The following NEUROG1 variants were observed in gnomAD, a reference collection of about 807,000 sequenced individuals.
The protein encoded by NEUROG1 is neurogenin 1.
Under a neutral mutation model 5.7 loss-of-function variants are expected in NEUROG1, and 5 were observed. The observed-to-expected ratio is 0.88, with a 90% confidence interval of 0.46 to 1.85. The LOEUF (loss-of-function observed/expected upper bound fraction) is 1.85. NEUROG1 is among the 40% of genes most tolerant of loss of function. The pLI is 0.01. For missense variants in NEUROG1, 403 were observed against 345.7 expected, an observed-to-expected ratio of 1.17 and a Z score of -1.32; for synonymous variants, 196 against 157.4, an observed-to-expected ratio of 1.25 and a Z score of -1.84.
chr5:135,535,324 G>C lies in NEUROG1; in HGVS notation c.367C>G (p.Pro123Ala). 1 of 1,613,612 alleles carries C rather than the reference G, an allele frequency of 6.2e-7. No individual in the cohort carries two copies. The highest frequency in any genetic ancestry group is 2.2e-5 in the East Asian group (1 of 44,852). Residue 123 changes from proline (P) to alanine (A), a missense_variant, in exon 1 of 1, where the codon CCC becomes GCC. Physicochemically the swap from Pro to Ala is conservative, Grantham distance 27 (BLOSUM62 -1). Transcript: ENST00000314744. ...ATTTTGGTGAGCTTGGTGTCGTCGG[G>C]GAACGAGGGCAGCACGCTGCGCAGT... Reference protein sequence around the residue: ...DALRSVLPSFPDDTKLTKIET... With the variant: ...DALRSVLPSFADDTKLTKIET...
chr5:135,535,619 G>A lies in NEUROG1; in HGVS notation c.72C>T (p.Gly24=), dbSNP rs796778377. 6 of 1,596,858 alleles carry A rather than the reference G, an allele frequency of 3.8e-6. No individual in the cohort carries two copies. Among genetic ancestry groups the A allele is most frequent in the East Asian group, 2.3e-5 (1 of 44,034 alleles). Residue 24 remains glycine, a synonymous_variant, in exon 1 of 1, where the codon GGC becomes GGT. Transcript: ENST00000314744. ...CACAGTCTTCCTCGTCGGTGAGGAA[G>A]CCGGATAGGTCACTGCCGCTGCTGC... is the stretch of plus-strand genomic sequence containing the variant. ...CASSSGSDLS[G]FLTDEEDCAR...
chr5:135,535,531 TGGGCGCGCCCCTGCGGGCCGGCGC>T lies in NEUROG1; in HGVS notation c.136_159del (p.Ala46_Pro53del), dbSNP rs1580682278. ...GGAACCTCAGACGCCCGGGAGATAT[TGGGCGCGCCCCTGCGGGCCGGCGC>T]GGGCGGCCCCGAAGCGGAGGCTGCC... is the stretch of plus-strand genomic sequence containing the variant. On this transcript the variant is annotated inframe_deletion, in exon 1 of 1. Transcript: ENST00000314744. 3.8e-6 allele frequency: 6 copies of T among 1,573,766 alleles called. No homozygotes were observed. The highest frequency in any genetic ancestry group is 4.3e-6 in the Non-Finnish European group (5 of 1,166,974).
At position 135,535,479 on chromosome 5, in the gene NEUROG1, C is replaced by T. The variant is rs1281037567; in HGVS notation, c.212G>A (p.Arg71Lys). ...CCGCGTCCGGCCGCGGCGCCGCCGC[C>T]TCTCCTGCTCGTCGTCCTGTGCCCC... Reference protein sequence around the residue: ...VPGAQDDEQERRRRRGRTRVR... With the variant: ...VPGAQDDEQEKRRRRGRTRVR... Residue 71 changes from arginine to lysine, a missense_variant, in exon 1 of 1, where the codon AGG (arginine) becomes AAG (lysine). Transcript: ENST00000314744. 6.4e-7 allele frequency: 1 copy of T among 1,568,944 alleles called. No homozygotes were observed. The highest frequency in any genetic ancestry group is 1.2e-5 in the South Asian group (1 of 85,070).
rs1415053346 is a variant in NEUROG1 at position 135,535,825 on chromosome 5, C to T, written c.-135G>A. 2.4e-6 allele frequency: 2 copies of T among 850,568 alleles called. No homozygotes were observed. Among genetic ancestry groups the T allele is most frequent in the African/African-American group, 3.6e-5 (2 of 55,362 alleles). The allele number at this position is 850,568 out of a possible 1,614,324, so 52.7% of individuals were successfully genotyped here. On this transcript the variant is annotated 5_prime_UTR_variant, in exon 1 of 1. Coordinates refer to ENST00000314744, the MANE Select transcript of NEUROG1 (RefSeq NM_006161.3). ...TGTTACTCTGTGCCAGTTGCGGGTG[C>T]GAGAGCCTGGAAGGGTGCAGGGGCG...
Position 135,535,032 on chromosome 5 carries a change from G to A in NEUROG1, c.659C>T (p.Pro220Leu), listed in dbSNP as rs61737516. The change falls in exon 1 of 1, where the codon CCA (proline) becomes CTA (leucine). Residue 220 changes from proline (P) to leucine (L), a missense_variant. Physicochemically the swap from Pro to Leu is moderately conservative, Grantham distance 98. Coordinates refer to ENST00000314744, the MANE Select transcript of NEUROG1 (RefSeq NM_006161.3). ...GTGGAGCAAGTCTTTGGGCAGGCTT[G>A]GGAAGGAGAAAACAGGGTCGCCGGG... ...YRPGDPVFSF[P>L]SLPKDLLHTT... is the part of the protein sequence containing the mutation. 1.5e-5 allele frequency: 24 copies of A among 1,613,994 alleles called. No homozygotes were observed. The African/African-American group carries it at 2.9e-4, about 20-fold the overall frequency.
rs1750496282 is a variant in NEUROG1 at position 135,534,780 on chromosome 5, T to C, written c.*197A>G. 1.7e-6 allele frequency: 1 copy of C among 588,136 alleles called. No individual in the cohort carries two copies. The highest frequency in any genetic ancestry group is 2.9e-6 in the Non-Finnish European group (1 of 340,046). The allele number at this position is 588,136 out of a possible 1,614,324, so 36.4% of individuals were successfully genotyped here. On this transcript the variant is annotated 3_prime_UTR_variant, in exon 1 of 1. Transcript: ENST00000314744. Reference sequence around the variant, plus strand: ...GGGGCGGGCAGGAGGGGCGCTGGGCTGAGGGCCGGAGAAACAGACCAAGAG... The same window carrying C: ...GGGGCGGGCAGGAGGGGCGCTGGGCCGAGGGCCGGAGAAACAGACCAAGAG...
chr5:135,535,423 G>C lies in NEUROG1; in HGVS notation c.268C>G (p.Arg90Gly). The C allele has an allele frequency of 2.5e-6, 4 of 1,594,738 alleles. No individual in the cohort carries two copies. The highest frequency in any genetic ancestry group is 3.4e-6 in the Non-Finnish European group (4 of 1,171,454). ...VRSEALLHSL[R>G]RSRRVKANDR... Reference sequence around the variant, plus strand: ...TTGGCCTTGACGCGCCGGCTCCTGCGCAGCGAGTGCAGCAGCGCCTCGGAG... The same window carrying C: ...TTGGCCTTGACGCGCCGGCTCCTGCCCAGCGAGTGCAGCAGCGCCTCGGAG... The change falls in exon 1 of 1, where the codon CGC (arginine) becomes GGC (glycine). Residue 90 changes from arginine to glycine, a missense_variant. Coordinates refer to ENST00000314744, the MANE Select transcript of NEUROG1 (RefSeq NM_006161.3).
chr5:135,535,453 C>A lies in NEUROG1; in HGVS notation c.238G>T (p.Val80Phe), dbSNP rs1171334360. The change falls in exon 1 of 1, where the codon GTC becomes TTC. Residue 80 changes from valine (V) to phenylalanine (F), a missense_variant. Coordinates refer to ENST00000314744, the MANE Select transcript of NEUROG1 (RefSeq NM_006161.3). ...ERRRRRGRTR[V>F]RSEALLHSLR... Reference sequence around the variant, plus strand: ...GAGTGCAGCAGCGCCTCGGAGCGGACCCGCGTCCGGCCGCGGCGCCGCCGC... The same window carrying A: ...GAGTGCAGCAGCGCCTCGGAGCGGAACCGCGTCCGGCCGCGGCGCCGCCGC... 1 of 1,572,504 alleles carries A rather than the reference C, an allele frequency of 6.4e-7. No homozygotes were observed. The highest frequency in any genetic ancestry group is 1.2e-5 in the South Asian group (1 of 85,728).
At position 135,535,423 on chromosome 5, in the gene NEUROG1, G is replaced by A. The variant is rs373314804; in HGVS notation, c.268C>T (p.Arg90Cys). 4 of 1,594,626 alleles carry A rather than the reference G, an allele frequency of 2.5e-6. No individual in the cohort carries two copies. The highest frequency in any genetic ancestry group is 3.5e-5 in the Admixed American group (2 of 57,460). ...TTGGCCTTGACGCGCCGGCTCCTGCGCAGCGAGTGCAGCAGCGCCTCGGAG... is the reference window on the plus strand; with the variant it reads ...TTGGCCTTGACGCGCCGGCTCCTGCACAGCGAGTGCAGCAGCGCCTCGGAG... ...VRSEALLHSL[R>C]RSRRVKANDR... The change falls in exon 1 of 1, where the codon CGC becomes TGC. Residue 90 changes from arginine to cysteine, a missense_variant. By Grantham distance (180) the Arg-to-Cys change is radical. Coordinates refer to ENST00000314744, the MANE Select transcript of NEUROG1 (RefSeq NM_006161.3).
In NEUROG1 at chr5:135,535,622, G is replaced by A. The variant is rs997105044; in HGVS notation, c.69C>T (p.Ser23=). The A allele has an allele frequency of 1.3e-6, 2 of 1,594,164 alleles. No homozygotes were observed. The highest frequency in any genetic ancestry group is 2.3e-5 in the East Asian group (1 of 43,892). Residue 23 remains serine, a synonymous_variant, in exon 1 of 1, where the codon TCC becomes TCT. Coordinates refer to ENST00000314744, the MANE Select transcript of NEUROG1 (RefSeq NM_006161.3). The stretch of plus-strand genomic sequence containing the variant: ...AGTCTTCCTCGTCGGTGAGGAAGCC[G>A]GATAGGTCACTGCCGCTGCTGCTGG... The part of the protein sequence containing the change: ...DCASSSGSDL[S]GFLTDEEDCA...
chr5:135,535,865 C>T lies in NEUROG1; in HGVS notation c.-175G>A. 1.8e-6 allele frequency: 1 copy of T among 552,586 alleles called. No individual in the cohort carries two copies. Among genetic ancestry groups the T allele is most frequent in the Admixed American group, 4.1e-5 (1 of 24,492 alleles). The allele number at this position is 552,586 out of a possible 1,614,324, so 34.2% of individuals were successfully genotyped here. A position where few individuals can be genotyped will look rare whatever the true frequency, so the allele number is the denominator to read the frequency against. On this transcript the variant is annotated 5_prime_UTR_variant, in exon 1 of 1. Coordinates refer to ENST00000314744, the MANE Select transcript of NEUROG1 (RefSeq NM_006161.3). ...GTGCAGGGGCGCACGGAGAACTTGG[C>T]CTGGCCTCCTCGCCTCGCCTGCAGG...
At position 135,535,168 on chromosome 5, in the gene NEUROG1, C is replaced by T. The variant is rs745832229; in HGVS notation, c.523G>A (p.Gly175Ser). The change falls in exon 1 of 1, where the codon GGT becomes AGT. Residue 175 changes from glycine (G) to serine (S), a missense_variant. Coordinates refer to ENST00000314744, the MANE Select transcript of NEUROG1 (RefSeq NM_006161.3). ...LPPQCVPCLPGPPSPASDAES... is the reference protein window; with the variant it reads ...LPPQCVPCLPSPPSPASDAES... The stretch of plus-strand genomic sequence containing the variant: ...GCGTCGCTGGCGGGGCTTGGGGGAC[C>T]GGGCAGGCAGGGGACGCACTGCGGC... The T allele has an allele frequency of 1.1e-5, 17 of 1,609,252 alleles. No homozygotes were observed. The East Asian group carries it at 3.6e-4, about 34-fold the overall frequency.
At position 135,535,371 on chromosome 5, in the gene NEUROG1, T is replaced by G. The variant is rs1353718915; in HGVS notation, c.320A>C (p.Asn107Thr). The change falls in exon 1 of 1, where the codon AAC becomes ACC. Residue 107 changes from asparagine to threonine, a missense_variant. Transcript: ENST00000314744. ...CAGTGCGTCCAGGGCCGCGTTCAAG[T>G]TGTGCATGCGGTTGCGCTCGCGATC... ...ANDRERNRMH[N>T]LNAALDALRS... 1 of 1,612,612 alleles carries G rather than the reference T, an allele frequency of 6.2e-7. No individual in the cohort carries two copies. Among genetic ancestry groups the G allele is most frequent in the African/African-American group, 1.3e-5 (1 of 74,818 alleles).
At position 135,535,846 on chromosome 5, in the gene NEUROG1, G is replaced by A. The variant is rs1750534805; in HGVS notation, c.-156C>T. On this transcript the variant is annotated 5_prime_UTR_variant, in exon 1 of 1. Coordinates refer to ENST00000314744, the MANE Select transcript of NEUROG1 (RefSeq NM_006161.3). ...GGTGCGAGAGCCTGGAAGGGTGCAG[G>A]GGCGCACGGAGAACTTGGCCTGGCC... is the stretch of plus-strand genomic sequence containing the variant. 3 of 658,092 alleles carry A rather than the reference G, an allele frequency of 4.6e-6. No individual in the cohort carries two copies. Among genetic ancestry groups the A allele is most frequent in the Admixed American group, 7.9e-5 (2 of 25,350 alleles). The allele number at this position is 658,092 out of a possible 1,614,324, so 40.8% of individuals were successfully genotyped here.
chr5:135,535,754 A>T lies in NEUROG1; in HGVS notation c.-64T>A. On this transcript the variant is annotated 5_prime_UTR_variant, in exon 1 of 1. Transcript: ENST00000314744. ...GCTCAGAGCGCTGCAGCCCGGACTG[A>T]GGGCAGAGCCGCCAGGGCGCACTTA... 7.1e-7 allele frequency: 1 copy of T among 1,405,222 alleles called. No individual in the cohort carries two copies. The highest frequency in any genetic ancestry group is 2.7e-5 in the Admixed American group (1 of 37,442). 87.0% of individuals were successfully genotyped at this position (1,405,222 alleles called of 1,614,324 possible). A position where few individuals can be genotyped will look rare whatever the true frequency, so the allele number is the denominator to read the frequency against.
chr5:135,535,409 G>A lies in NEUROG1; in HGVS notation c.282C>T (p.Arg94=), dbSNP rs369851304. ...TGCGCTCGCGATCGTTGGCCTTGAC[G>A]CGCCGGCTCCTGCGCAGCGAGTGCA... The part of the protein sequence containing the change: ...ALLHSLRRSR[R]VKANDRERNR... Residue 94 remains arginine (R), a synonymous_variant, in exon 1 of 1, where the codon CGC becomes CGT. Coordinates refer to ENST00000314744, the MANE Select transcript of NEUROG1 (RefSeq NM_006161.3). 14 of 1,603,854 alleles carry A rather than the reference G, an allele frequency of 8.7e-6. No homozygotes were observed. Among genetic ancestry groups the A allele is most frequent in the Admixed American group, 1.7e-5 (1 of 58,706 alleles).
In NEUROG1 at chr5:135,535,866, C is replaced by T; in HGVS notation, c.-176G>A. 3.7e-6 allele frequency: 2 copies of T among 545,906 alleles called. No homozygotes were observed. Among genetic ancestry groups the T allele is most frequent in the Non-Finnish European group, 3.1e-6 (1 of 325,650 alleles). The allele number at this position is 545,906 out of a possible 1,614,324, so 33.8% of individuals were successfully genotyped here. ...TGCAGGGGCGCACGGAGAACTTGGC[C>T]TGGCCTCCTCGCCTCGCCTGCAGGG... On this transcript the variant is annotated 5_prime_UTR_variant, in exon 1 of 1. Coordinates refer to ENST00000314744, the MANE Select transcript of NEUROG1 (RefSeq NM_006161.3).
Position 135,535,761 on chromosome 5 carries a change from A to G in NEUROG1, c.-71T>C, listed in dbSNP as rs1750532935. Reference sequence around the variant, plus strand: ...GCGCTGCAGCCCGGACTGAGGGCAGAGCCGCCAGGGCGCACTTACGTTCCC... The same window carrying G: ...GCGCTGCAGCCCGGACTGAGGGCAGGGCCGCCAGGGCGCACTTACGTTCCC... On this transcript the variant is annotated 5_prime_UTR_variant, in exon 1 of 1. Transcript: ENST00000314744. 2 of 1,375,948 alleles carry G rather than the reference A, an allele frequency of 1.5e-6. No individual in the cohort carries two copies. The highest frequency in any genetic ancestry group is 3.0e-5 in the South Asian group (2 of 65,636). 85.2% of individuals were successfully genotyped at this position (1,375,948 alleles called of 1,614,324 possible). A position where few individuals can be genotyped will look rare whatever the true frequency, so the allele number is the denominator to read the frequency against.
At position 135,535,702 on chromosome 5, in the gene NEUROG1, G is replaced by T. The variant is rs1750529915; in HGVS notation, c.-12C>A. On this transcript the variant is annotated 5_prime_UTR_variant, in exon 1 of 1. Coordinates refer to ENST00000314744, the MANE Select transcript of NEUROG1 (RefSeq NM_006161.3). ...AGGCGGGCTGGCATCGTTGCGCTGT[G>T]CAGGACCGACGGACAGATAGAAAGG... is the stretch of plus-strand genomic sequence containing the variant. 1.3e-6 allele frequency: 2 copies of T among 1,519,836 alleles called. No individual in the cohort carries two copies. Among genetic ancestry groups the T allele is most frequent in the African/African-American group, 2.9e-5 (2 of 69,290 alleles). The allele number at this position is 1,519,836 out of a possible 1,614,324, so 94.1% of individuals were successfully genotyped here.
Sources: allele counts gnomAD v4.1 joint callset, GRCh38; gene constraint gnomAD v4.1.1; transcripts MANE v1.5; gene names NCBI Gene and HGNC (gene_info 2026-07-23, HGNC 2026-07-21).